Variants in SLC14A2 observed in about 807,000 individuals in gnomAD.
SLC14A2 encodes urea transporter 2.
A neutral mutation model predicts 104.6 loss-of-function variants in SLC14A2; 91 were observed. The observed-to-expected ratio is 0.87, with a 90% confidence interval of 0.73 to 1.04. The LOEUF is 1.04. Among genes scored for constraint, SLC14A2 ranks in the 50% least tolerant of loss-of-function variants. SLC14A2 has a pLI of 0.00. For missense variants in SLC14A2, 1,189 were observed against 1,156.0 expected, an observed-to-expected ratio of 1.03 and a Z score of -0.41; for synonymous variants, 476 against 466.4, an observed-to-expected ratio of 1.02 and a Z score of -0.27.
intron 2 of SLC14A2, among the ~76,000 whole-genome samples, chr18:45,558,069 C>A (rs996234948): frequency 6.6e-6 from 1 of 152,152 alleles, no homozygotes; most frequent in Admixed American, 6.5e-5. Context: ...CAGATCATTC[C>A]AATTCCTGGT....
intron 2 of SLC14A2, among the ~76,000 whole-genome samples, chr18:45,524,327 T>A (rs2043560371): frequency 6.6e-6 from 1 of 152,170 alleles, no homozygotes; most frequent in Non-Finnish European, 1.5e-5. Context: ...ACTGATGAGG[T>A]CCTCAATAAA....
chr18:45,344,541 C>T (rs930886865), intron 1 of SLC14A2, among the ~76,000 whole-genome samples: 1 of 152,158 alleles, frequency 6.6e-6, no homozygotes, highest in Non-Finnish European at 1.5e-5. Flanking sequence ...TGAAGAGACA[C>T]TTAGAGCAGG....
chr18:45,562,307 A>T (rs1369948552), intron 2 of SLC14A2, among the ~76,000 whole-genome samples: 1 of 152,254 alleles, frequency 6.6e-6, no homozygotes, highest in Non-Finnish European at 1.5e-5. Context: ...ATGTCAGTTG[A>T]CCTGATAGAG....
chr18:45,335,278 T>C lies in SLC14A2; in HGVS notation c.-125+122087T>C, dbSNP rs574652735. ...TTTCGTATAAATGGAATCAACACAG[T>C]GTGGCATCTTTTTCATTCTTTCCTT... is the stretch of plus-strand genomic sequence containing the variant. On this transcript the variant is annotated intron_variant, in intron 1 of 20. Transcript: ENST00000586448. 9.8e-4 allele frequency among the ~76,000 whole-genome samples: 149 copies of C among 152,334 alleles called. 1 individual carries two copies. The highest frequency in any genetic ancestry group is 3.4e-3 in the African/African-American group (140 of 41,562).
chr18:45,540,353 C>T (rs929144069), intron 2 of SLC14A2, among the ~76,000 whole-genome samples: 7 of 152,252 alleles, frequency 4.6e-5, no homozygotes, highest in East Asian at 3.9e-4. Flanking sequence ...CCCCAGTGCG[C>T]GGGGCTGCTG....
chr18:45,169,296 G>A, the SLC14A2 span, among the ~76,000 whole-genome samples: 2 of 152,200 alleles, frequency 1.3e-5, no homozygotes, highest in African/African-American at 4.8e-5. Flanking sequence ...GTGATCTGCT[G>A]TTGTATGGAA....
At chr18:45,293,864 A>G (rs1367952972) in intron 1 of SLC14A2, among the ~76,000 whole-genome samples, 1 of 152,226 alleles carries the variant, frequency 6.6e-6, no homozygotes, top group Admixed American at 6.5e-5. Context: ...AAAGTATGCC[A>G]TGTTTCATAT....
At chr18:45,186,394 CTG>C in the SLC14A2 span, among the ~76,000 whole-genome samples, 4 of 151,730 alleles carry the variant, frequency 2.6e-5, no homozygotes, top group African/African-American at 9.7e-5. Context: ...TACGAAACAA[CTG>C]AATATTTGTA....
intron 1 of SLC14A2, among the ~76,000 whole-genome samples, chr18:45,456,835 C>G (rs954454584): frequency 5.3e-5 from 8 of 151,078 alleles, no homozygotes; most frequent in African/African-American, 2.0e-4. Flanking sequence ...TTCCCAGCTG[C>G]AGGGCTGTTG....
chr18:45,320,802 C>T (rs573284227), intron 1 of SLC14A2, among the ~76,000 whole-genome samples: 134 of 152,280 alleles, frequency 8.8e-4, no homozygotes, highest in Admixed American at 2.0e-3. Context: ...CAAGAACCCC[C>T]CAAAATTCAG....
intron 17 of SLC14A2, among the ~76,000 whole-genome samples, chr18:45,673,407 G>A (rs2046174491): frequency 6.6e-6 from 1 of 152,160 alleles, no homozygotes; most frequent in African/African-American, 2.4e-5. Context: ...TTCTTGGCAG[G>A]GGAAGGATAT....
chr18:45,627,638 A>C (rs145744772), intron 4 of SLC14A2, among the ~76,000 whole-genome samples: 210 of 152,306 alleles, frequency 1.4e-3, no homozygotes, highest in African/African-American at 4.9e-3. Context: ...GAAGGGGAGC[A>C]AACAGGGCTG....
chr18:45,373,141 G>C (rs1239200849), intron 1 of SLC14A2, among the ~76,000 whole-genome samples: 1 of 151,968 alleles, frequency 6.6e-6, no homozygotes, highest in Admixed American at 6.6e-5. Flanking sequence ...ATAAGAACAG[G>C]GTTTATTGCT....
intron 10 of SLC14A2, among the ~76,000 whole-genome samples, chr18:45,651,264 C>A (rs561711818): frequency 6.6e-6 from 1 of 152,072 alleles, no homozygotes; most frequent in Non-Finnish European, 1.5e-5. Flanking sequence ...TGGCACATTT[C>A]GAGAGGGTCT....
intron 1 of SLC14A2, among the ~76,000 whole-genome samples, chr18:45,261,921 C>G (rs1402920137): frequency 6.6e-6 from 1 of 152,082 alleles, no homozygotes; most frequent in Non-Finnish European, 1.5e-5. Context: ...GGGTATATAC[C>G]CAGTAATGGG....
chr18:45,580,551 C>T (rs1031065855), intron 2 of SLC14A2, among the ~76,000 whole-genome samples: 7 of 152,150 alleles, frequency 4.6e-5, no homozygotes, highest in African/African-American at 1.7e-4. Flanking sequence ...AGAAGACAGT[C>T]TAGGGAGCAT....
chr18:45,504,331 A>G (rs1421813667), intron 2 of SLC14A2, among the ~76,000 whole-genome samples: 1 of 152,232 alleles, frequency 6.6e-6, no homozygotes, highest in Non-Finnish European at 1.5e-5. Flanking sequence ...CAAGGATAGC[A>G]TAATGAATTT....
chr18:45,243,442 A>G (rs929406568), intron 1 of SLC14A2, among the ~76,000 whole-genome samples: 1 of 152,218 alleles, frequency 6.6e-6, no homozygotes, highest in Non-Finnish European at 1.5e-5. Context: ...CTATGACCTC[A>G]GAACCAGCAG....
At chr18:45,261,283 G>C (rs529010806) in intron 1 of SLC14A2, among the ~76,000 whole-genome samples, 1 of 151,472 alleles carries the variant, frequency 6.6e-6, no homozygotes, top group Admixed American at 6.6e-5. Context: ...TTGTCCTTGC[G>C]ATAGTTTGCT....
Sources: allele counts gnomAD v4.1 joint callset (sites outside exome capture counted in the v4.1 genomes callset), GRCh38; gene constraint gnomAD v4.1.1; transcripts MANE v1.5; gene names NCBI Gene and HGNC (gene_info 2026-07-23, HGNC 2026-07-21).